DENND3: variants seen among roughly 807,000 people sequenced by gnomAD.
The protein encoded by DENND3 is DENN domain containing 3, also known as DENN domain-containing protein 3.
DENND3 carries 88 observed loss-of-function variants against 135.1 expected under a neutral mutation model. The ratio of observed to expected loss-of-function variants is 0.65; its 90% CI spans 0.55 to 0.78. The LOEUF (loss-of-function observed/expected upper bound fraction) is 0.78, where lower values mean the gene tolerates loss of function less well. Ranked by LOEUF, DENND3 falls within the 30% of genes least tolerant of loss-of-function variation. The probability of loss-of-function intolerance (pLI) is 0.00; values close to 1 mark genes in which losing one functional copy is unlikely to be tolerated. For synonymous variants in DENND3, 693 were observed against 712.3 expected (o/e 0.97, Z 0.43); for missense variants, 1,392 against 1,688.4 (o/e 0.82, Z 3.08).
At chr8:141,164,803 C>G (rs1012943017) in intron 10 of DENND3, among the ~76,000 whole-genome samples, 95 of 152,354 alleles carry the variant, frequency 6.2e-4, no homozygotes, top group Middle Eastern at 3.4e-3. Context: ...GCGCCAGCCA[C>G]GAGCCTGCCT....
intron 17 of DENND3, among the ~76,000 whole-genome samples, chr8:141,183,459 A>G (rs1214314056): frequency 2.2e-5 from 3 of 135,134 alleles, no homozygotes; most frequent in Non-Finnish European, 4.7e-5. Flanking sequence ...GTTTTGCCGT[A>G]TTGCTCAGGC....
At chr8:141,180,537 C>T (rs1031108805) in intron 16 of DENND3, among the ~76,000 whole-genome samples, 1 of 152,116 alleles carries the variant, frequency 6.6e-6, no homozygotes, top group South Asian at 2.1e-4. Flanking sequence ...CCTGGCCACT[C>T]ACTCGCACAC....
At chr8:141,134,436 C>T (rs563987417) in intron 1 of DENND3, among the ~76,000 whole-genome samples, 182 of 151,714 alleles carry the variant, frequency 1.2e-3, no homozygotes, top group African/African-American at 3.8e-3. Context: ...GCTGGGACTA[C>T]AGGCGCCCGC....
chr8:141,179,006 T>C (rs1822756143), intron 16 of DENND3, among the ~76,000 whole-genome samples: 1 of 152,254 alleles, frequency 6.6e-6, no homozygotes, highest in Non-Finnish European at 1.5e-5. Flanking sequence ...CTGTTTTCAT[T>C]TCCCTTGGGC....
intron 16 of DENND3, among the ~76,000 whole-genome samples, chr8:141,178,401 C>T (rs1170815649): frequency 2.0e-5 from 3 of 152,260 alleles, no homozygotes; most frequent in East Asian, 1.9e-4. Context: ...GAGCCCCTTG[C>T]GCATCCAATT....
rs72681547 is a variant in DENND3 at position 141,194,415 on chromosome 8, C to T, written c.*182C>T. Reference sequence around the variant, plus strand: ...GGCCACGCACCTTCTCTCAGGCCTTCGGGCCCCCTGGTTAAACTGCACCAA... The same window carrying T: ...GGCCACGCACCTTCTCTCAGGCCTTTGGGCCCCCTGGTTAAACTGCACCAA... On this transcript the variant is annotated 3_prime_UTR_variant, in exon 23 of 23. Transcript: ENST00000519811. 9,985 of 673,202 alleles carry T rather than the reference C, an allele frequency of 0.015. 104 individuals carry two copies. Among genetic ancestry groups the T allele is most frequent in the South Asian group, 0.019 (986 of 52,498 alleles). The allele number at this position is 673,202 out of a possible 1,614,324, so 41.7% of individuals were successfully genotyped here.
In DENND3 at chr8:141,168,252, A is replaced by C; in HGVS notation, c.2002A>C (p.Ile668Leu). Reference sequence around the variant, plus strand: ...CTTCCAGAATCTGTATAAAACAGACATACGGATCTTTCCCACTGATTTGGT... The same window carrying C: ...CTTCCAGAATCTGTATAAAACAGACCTACGGATCTTTCCCACTGATTTGGT... ...LDFQNLYKTD[I>L]RIFPTDLVKR... Residue 668 changes from isoleucine to leucine, a missense_variant, in exon 13 of 23, where the codon ATA becomes CTA. Physicochemically the swap from Ile to Leu is conservative, Grantham distance 5 (BLOSUM62 2). Coordinates refer to ENST00000519811, the MANE Select transcript of DENND3 (RefSeq NM_001352890.3). This position sits in a 1 kb window ranked among gnomAD's most constrained non-coding sequence, Gnocchi z 6.2. The C allele has an allele frequency of 6.2e-7, 1 of 1,614,194 alleles. No homozygotes were observed. The highest frequency in any genetic ancestry group is 8.5e-7 in the Non-Finnish European group (1 of 1,180,040).
intron 13 of DENND3, among the ~76,000 whole-genome samples, chr8:141,170,447 G>A (rs577303120): frequency 2.6e-5 from 4 of 152,278 alleles, no homozygotes; most frequent in East Asian, 1.9e-4. Context: ...GTGTGCGCGC[G>A]CTGTACCTCT....
chr8:141,192,328 C>T lies in DENND3; in HGVS notation c.3380-3C>T, dbSNP rs1824860545. The T allele has an allele frequency of 6.2e-7, 1 of 1,613,962 alleles. No individual in the cohort carries two copies. The highest frequency in any genetic ancestry group is 8.5e-7 in the Non-Finnish European group (1 of 1,179,948). On this transcript the variant is annotated splice_polypyrimidine_tract_variant and splice_region_variant and intron_variant, in intron 20 of 22. Transcript: ENST00000519811. ...GCCCCATCCTAGCTCCTTCCTTCCA[C>T]AGGCACAGGTAACAGCATCATGGTC...
rs961260731 is a variant in DENND3, at chr8:141,141,835, G to A, written c.623+511G>A. On this transcript the variant is annotated intron_variant, in intron 4 of 22. Transcript: ENST00000519811. The surrounding 1 kb of genome is among the most constrained non-coding windows in gnomAD (Gnocchi z 5.3). The stretch of plus-strand genomic sequence containing the variant: ...AGATGGGAGGACTGCTTGAGCCGAG[G>A]GGTTTGAGACAAGCCTAGGGAACAT... 5.2e-6 allele frequency: 1 copy of A among 191,150 alleles called. No individual in the cohort carries two copies. The highest frequency in any genetic ancestry group is 2.4e-5 in the African/African-American group (1 of 41,882). 11.8% of individuals were successfully genotyped at this position (191,150 alleles called of 1,614,324 possible).
Position 141,144,362 on chromosome 8 carries a change from T to C in DENND3, c.735+103T>C, listed in dbSNP as rs1817797485. 1.7e-6 allele frequency: 2 copies of C among 1,146,754 alleles called. No homozygotes were observed. The highest frequency in any genetic ancestry group is 2.4e-6 in the Non-Finnish European group (2 of 832,812). The allele number at this position is 1,146,754 out of a possible 1,614,324, so 71.0% of individuals were successfully genotyped here. On this transcript the variant is annotated intron_variant, in intron 5 of 22. Transcript: ENST00000519811. The surrounding 1 kb of genome is among the most constrained non-coding windows in gnomAD (Gnocchi z 4.4). ...ACAACTATTTCTGAAGTTCTAGCTG[T>C]TGTAAACCTAAAATAACATCCTAAC... is the stretch of plus-strand genomic sequence containing the variant.
rs993633850 is a variant in DENND3 at position 141,166,789 on chromosome 8, G to A, written c.1753+400G>A. 3.9e-5 allele frequency among the ~76,000 whole-genome samples: 6 copies of A among 152,214 alleles called. No homozygotes were observed. In the East Asian group the frequency reaches 5.8e-4, roughly 15 times the overall value. ...GAAGGAGCCCAGTGCCCCTGCCCTC[G>A]TGGAGCTGGCATTCCAGGGCCAGGG... On this transcript the variant is annotated intron_variant, in intron 12 of 22. Coordinates refer to ENST00000519811, the MANE Select transcript of DENND3 (RefSeq NM_001352890.3). This position sits in a 1 kb window ranked among gnomAD's most constrained non-coding sequence, Gnocchi z 4.3.
intron 8 of DENND3, among the ~76,000 whole-genome samples, chr8:141,159,544 CT>C (rs1486177449): frequency 6.6e-6 from 1 of 152,228 alleles, no homozygotes; most frequent in Non-Finnish European, 1.5e-5. Flanking sequence ...TCATTATCTC[CT>C]GTTTTCTTGA....
intron 18 of DENND3, among the ~76,000 whole-genome samples, chr8:141,187,026 A>AGAT (rs2154613504): frequency 6.6e-6 from 1 of 152,338 alleles, no homozygotes; most frequent in East Asian, 1.9e-4. Flanking sequence ...ATGGATTTGC[A>AGAT]GATGACGTTC....
chr8:141,171,550 G>A (rs1159662228), intron 13 of DENND3, among the ~76,000 whole-genome samples: 1 of 152,224 alleles, frequency 6.6e-6, no homozygotes, highest in Non-Finnish European at 1.5e-5. Flanking sequence ...AGAGGTTAAC[G>A]GCTGGTGTTT....
intron 17 of DENND3, among the ~76,000 whole-genome samples, chr8:141,181,914 C>T (rs559146057): frequency 1.2e-4 from 19 of 152,156 alleles, no homozygotes; most frequent in East Asian, 9.7e-4. Flanking sequence ...CTGGGACCAT[C>T]GGCTTGTACC....
At chr8:141,165,156 C>T in intron 10 of DENND3, 30 bp from the exon 11 acceptor site, 5 of 1,585,364 alleles carry the variant, frequency 3.2e-6, no homozygotes, top group Non-Finnish European at 4.3e-6. Context: ...GTCGGCACAG[C>T]CCAGTGACCA....
intron 13 of DENND3, chr8:141,173,795 A>G (rs1249288448): frequency 1.3e-5 from 2 of 152,242 alleles, no homozygotes; most frequent in Admixed American, 1.3e-4. Context: ...AGCTCTGGGC[A>G]GACCGTCTGC....
chr8:141,133,471 C>A (rs1428849197), intron 1 of DENND3, among the ~76,000 whole-genome samples: 1 of 152,136 alleles, frequency 6.6e-6, no homozygotes, highest in Non-Finnish European at 1.5e-5. Context: ...ACAGGGACGT[C>A]CCTCGTTGGG....
Sources: allele counts gnomAD v4.1 joint callset (sites outside exome capture counted in the v4.1 genomes callset), GRCh38; gene constraint gnomAD v4.1.1; non-coding constraint Gnocchi (gnomAD v3.1); transcripts MANE v1.5; gene names NCBI Gene and HGNC (gene_info 2026-07-23, HGNC 2026-07-21).